PIN4: variants seen among roughly 807,000 people sequenced by gnomAD.
PIN4 encodes the protein peptidylprolyl cis/trans isomerase, NIMA-interacting 4.
In PIN4, 3 loss-of-function variants were observed where a neutral mutation model predicts 8.3. The observed-to-expected ratio is 0.36, with a 90% confidence interval of 0.16 to 0.93. The LOEUF (loss-of-function observed/expected upper bound fraction) is 0.93. Among genes scored for constraint, PIN4 ranks in the 40% least tolerant of loss-of-function variants. The pLI, the probability that PIN4 is intolerant of heterozygous loss-of-function variation, is 0.44. For synonymous variants in PIN4, 18 were observed against 32.5 expected, an observed-to-expected ratio of 0.55 and a Z score of 1.52; for missense variants, 75 against 100.6, an observed-to-expected ratio of 0.75 and a Z score of 1.09.
chrX:72,252,328 G>T (rs935928468), intron 3 of PIN4, among the ~76,000 whole-genome samples: 4 of 109,327 alleles, frequency 3.7e-5, no homozygotes, highest in South Asian at 4.0e-4. Context: ...TGAACTCCTG[G>T]CCTCAAATGA....
intron 3 of PIN4, among the ~76,000 whole-genome samples, chrX:72,230,299 C>G (rs1375695587): frequency 1.8e-5 from 2 of 111,267 alleles, no homozygotes; most frequent in East Asian, 2.8e-4. Context: ...AGATAACCCC[C>G]CTCTGGCCAG....
intron 2 of PIN4, among the ~76,000 whole-genome samples, chrX:72,195,309 A>G (rs73550759): frequency 0.098 from 10,875 of 111,106 alleles, 744 homozygotes; most frequent in South Asian, 0.23. Context: ...CAAAGTGTGG[A>G]ATTGTGGGGA....
chrX:72,199,465 G>A (rs2042781712), downstream of PIN4, among the ~76,000 whole-genome samples: 1 of 112,149 alleles, frequency 8.9e-6, no homozygotes, highest in Non-Finnish European at 1.9e-5. Context: ...TTGAACCCAG[G>A]AGGTGGCTGC....
At chrX:72,254,028 C>CCAAT (rs2043098721) in intron 3 of PIN4, among the ~76,000 whole-genome samples, 2 of 110,914 alleles carry the variant, frequency 1.8e-5, no homozygotes, top group South Asian at 7.6e-4. Context: ...CAAACAGTAC[C>CCAAT]CAATAATCCT....
chrX:72,191,808 CCG>C (rs2042735507), intron 2 of PIN4, among the ~76,000 whole-genome samples: 2 of 111,799 alleles, frequency 1.8e-5, no homozygotes, highest in Non-Finnish European at 3.8e-5. Flanking sequence ...ATTTTTCAAA[CCG>C]TGTTCTGAAT....
intron 2 of PIN4, among the ~76,000 whole-genome samples, chrX:72,194,657 G>A (rs2042754334): frequency 1.0e-5 from 1 of 96,741 alleles, no homozygotes; most frequent in African/African-American, 3.9e-5. Context: ...AGCCAAGATC[G>A]CATCATTGCA....
Position 72,237,469 on chromosome X carries a change from G to A in PIN4, c.313-25238G>A, listed in dbSNP as rs58872094. Among the ~76,000 whole-genome samples the A allele has an allele frequency of 5.9e-3, 663 of 111,445 alleles. 4 individuals carry two copies. The highest frequency in any genetic ancestry group is 0.021 in the African/African-American group (644 of 30,665). On this transcript the variant is annotated intron_variant, in intron 3 of 3. Transcript: ENST00000423432. The stretch of plus-strand genomic sequence containing the variant: ...AAAAATTAGCCGGGTGTGTTAGCGG[G>A]CGCCTGTAGTCCCAGCTACTCGGGA...
At chrX:72,245,553 G>A (rs754599077) in intron 3 of PIN4, among the ~76,000 whole-genome samples, 3 of 111,456 alleles carry the variant, frequency 2.7e-5, no homozygotes, top group Non-Finnish European at 5.7e-5. Flanking sequence ...AAGTAGGTGG[G>A]ATTTGGGGGT....
At chrX:72,243,366 T>G (rs1448729867) in intron 3 of PIN4, among the ~76,000 whole-genome samples, 1 of 109,621 alleles carries the variant, frequency 9.1e-6, no homozygotes, top group African/African-American at 3.3e-5. Context: ...TTTAAAAGGG[T>G]GATAATGGTA....
intron 3 of PIN4, among the ~76,000 whole-genome samples, chrX:72,246,930 T>A (rs1379738466): frequency 1.8e-5 from 2 of 111,959 alleles, no homozygotes; most frequent in Non-Finnish European, 1.9e-5. Flanking sequence ...TTCTGTCTTT[T>A]TCACAGTTAT....
chrX:72,203,993 A>G (rs747300223), intron 3 of PIN4, among the ~76,000 whole-genome samples: 1 of 112,154 alleles, frequency 8.9e-6, no homozygotes, highest in Non-Finnish European at 1.9e-5. Context: ...GGTGAAAGGG[A>G]GAACACAGTT....
chrX:72,182,123 A>C lies in PIN4; in HGVS notation c.43+295A>C, dbSNP rs767281981. 5.2e-4 allele frequency among the ~76,000 whole-genome samples: 59 copies of C among 112,772 alleles called. 1 individual carries two copies. Among genetic ancestry groups the C allele is most frequent in the Middle Eastern group, 4.6e-3 (1 of 216 alleles). ...CAAAAGCCAGCAATAGGAAGTACACATTGGTTATGGTCCTTAAAGTTCACT... is the reference window on the plus strand; with the variant it reads ...CAAAAGCCAGCAATAGGAAGTACACCTTGGTTATGGTCCTTAAAGTTCACT... On this transcript the variant is annotated intron_variant, in intron 1 of 3. Coordinates refer to ENST00000373669, the MANE Select transcript of PIN4 (RefSeq NM_006223.4).
chrX:72,231,123 C>T (rs781535157), intron 3 of PIN4, among the ~76,000 whole-genome samples: 72 of 112,185 alleles, frequency 6.4e-4, no homozygotes, highest in African/African-American at 2.2e-3. Context: ...CCTGCACTCC[C>T]GTGTTCACTG....
At chrX:72,206,701 T>C in intron 3 of PIN4, 1 of 1,211,513 alleles carries the variant, frequency 8.3e-7, no homozygotes, top group Non-Finnish European at 1.1e-6. Flanking sequence ...TTCTACCACA[T>C]CAAGCTCTTC....
At chrX:72,206,841 A>C (rs1799318199) in intron 3 of PIN4, 1 of 1,211,784 alleles carries the variant, frequency 8.3e-7, no homozygotes. Flanking sequence ...GCAAAGACTG[A>C]AGCTGCAGCT....
intron 3 of PIN4, among the ~76,000 whole-genome samples, chrX:72,228,353 A>G (rs190065464): frequency 9.0e-4 from 101 of 111,827 alleles, no homozygotes; most frequent in African/African-American, 3.2e-3. Context: ...TTACCAAATC[A>G]TTCTTACCAT....
chrX:72,230,638 T>G (rs1247805869), intron 3 of PIN4, among the ~76,000 whole-genome samples: 4 of 112,104 alleles, frequency 3.6e-5, no homozygotes, highest in Non-Finnish European at 3.8e-5. Flanking sequence ...AAGGGAACGC[T>G]TGTATACTGT....
intron 1 of PIN4, chrX:72,186,107 A>G (rs1210153685): frequency 3.7e-6 from 1 of 269,899 alleles, no homozygotes; most frequent in Non-Finnish European, 6.8e-6. Flanking sequence ...TTGTAAAGCA[A>G]GCTTGTCCAA....
intron 3 of PIN4, among the ~76,000 whole-genome samples, chrX:72,247,464 T>C (rs1422409091): frequency 4.5e-5 from 5 of 112,353 alleles, no homozygotes; most frequent in Non-Finnish European, 5.6e-5. Flanking sequence ...ATCCTCCTTC[T>C]GCAGCAGCAG....
Sources: gnomAD v4.1 joint callset for allele counts (sites outside exome capture counted in the v4.1 genomes callset) on GRCh38, gnomAD v4.1.1 for gene constraint, MANE v1.5 for transcripts, NCBI Gene and HGNC (gene_info 2026-07-23, HGNC 2026-07-21) for gene names.